Variants in ANO10 observed in about 807,000 individuals in gnomAD.
ANO10 encodes the protein anoctamin 10.
ANO10 carries 77 observed loss-of-function variants against 74.7 expected under a neutral mutation model. The observed-to-expected ratio is 1.03, with a 90% confidence interval of 0.86 to 1.25. ANO10 has a LOEUF of 1.25. Ranked by LOEUF, ANO10 falls within the 50% of genes most tolerant of loss-of-function variation. The probability of loss-of-function intolerance (pLI) is 0.00; values close to 1 mark genes in which losing one functional copy is unlikely to be tolerated. For missense variants in ANO10, 721 were observed against 778.1 expected (o/e 0.93, Z 0.87); for synonymous variants, 279 against 284.9 (o/e 0.98, Z 0.21).
intron 1 of ANO10, among the ~76,000 whole-genome samples, chr3:43,661,488 C>G (rs1383774508): frequency 2.6e-5 from 4 of 152,204 alleles, no homozygotes; most frequent in African/African-American, 9.6e-5. Context: ...TATGAAGAAA[C>G]TGCATCAATT....
At chr3:43,517,119 T>G (rs1319585219) in intron 11 of ANO10, among the ~76,000 whole-genome samples, 2 of 152,200 alleles carry the variant, frequency 1.3e-5, no homozygotes, top group African/African-American at 2.4e-5. Context: ...TCAGTACATT[T>G]TTTTCAGTAT....
At chr3:43,491,605 A>C (rs1350970310) in intron 11 of ANO10, among the ~76,000 whole-genome samples, 2 of 152,092 alleles carry the variant, frequency 1.3e-5, no homozygotes. Flanking sequence ...CACCAAGTGT[A>C]CTGTACTTCC....
chr3:43,372,141 A>G (rs1312221685), intron 12 of ANO10, among the ~76,000 whole-genome samples: 2 of 151,622 alleles, frequency 1.3e-5, no homozygotes, highest in African/African-American at 2.4e-5. Flanking sequence ...TCCAGCTCCC[A>G]CCTCCCACCC....
intron 11 of ANO10, chr3:43,486,023 G>A (rs2076472917): frequency 7.5e-6 from 2 of 267,036 alleles, no homozygotes; most frequent in Non-Finnish European, 7.3e-6. Context: ...AGGGCCAGCA[G>A]ACAGAAGTGG....
chr3:43,595,563 G>C (rs535917671), intron 4 of ANO10, among the ~76,000 whole-genome samples: 4 of 151,998 alleles, frequency 2.6e-5, no homozygotes, highest in Non-Finnish European at 4.4e-5. Context: ...ATTCAACAGC[G>C]CTTCATGCTA....
chr3:43,546,655 A>AC (rs1559678884), intron 11 of ANO10, among the ~76,000 whole-genome samples: 1 of 152,126 alleles, frequency 6.6e-6, no homozygotes, highest in South Asian at 2.1e-4. Flanking sequence ...TAAAAAAAAA[A>AC]ACACACCTCA....
At chr3:43,469,211 T>TC (rs1485339138) in intron 11 of ANO10, among the ~76,000 whole-genome samples, 1 of 147,816 alleles carries the variant, frequency 6.8e-6, no homozygotes, top group African/African-American at 2.6e-5. Flanking sequence ...CCCGGCTAAT[T>TC]TTTTTTTTGT....
At chr3:43,519,733 G>T (rs113572764) in intron 11 of ANO10, among the ~76,000 whole-genome samples, 1 of 152,098 alleles carries the variant, frequency 6.6e-6, no homozygotes, top group Non-Finnish European at 1.5e-5. Context: ...TCATGGTCTC[G>T]GGCCAGGATC....
chr3:43,486,800 TCTC>T (rs1174524231), intron 11 of ANO10, among the ~76,000 whole-genome samples: 1 of 151,544 alleles, frequency 6.6e-6, no homozygotes, highest in Non-Finnish European at 1.5e-5. Flanking sequence ...TTTATTTCCT[TCTC>T]CTGCCTAATG....
intron 1 of ANO10, among the ~76,000 whole-genome samples, chr3:43,643,181 G>A (rs1287625460): frequency 6.6e-6 from 1 of 151,682 alleles, no homozygotes; most frequent in East Asian, 1.9e-4. Flanking sequence ...ACAGGCACCC[G>A]CCACGACGCC....
intron 12 of ANO10, among the ~76,000 whole-genome samples, chr3:43,401,202 G>GC (rs1459448412): frequency 6.6e-6 from 1 of 152,060 alleles, no homozygotes; most frequent in Non-Finnish European, 1.5e-5. Context: ...AGACAGAATG[G>GC]CCACAGCATT....
At chr3:43,650,030 G>A (rs758169531) in intron 1 of ANO10, among the ~76,000 whole-genome samples, 25 of 152,342 alleles carry the variant, frequency 1.6e-4, no homozygotes, top group Middle Eastern at 3.4e-3. Context: ...CAAGTTCAGT[G>A]GACCCTCTGC....
chr3:43,429,150 A>G (rs1200344472), intron 12 of ANO10, among the ~76,000 whole-genome samples: 2 of 152,104 alleles, frequency 1.3e-5, no homozygotes, highest in Non-Finnish European at 2.9e-5. Context: ...GACACCCTCA[A>G]TGGCAAATAT....
chr3:43,513,130 A>G (rs1010321876), intron 11 of ANO10, among the ~76,000 whole-genome samples: 2 of 152,194 alleles, frequency 1.3e-5, no homozygotes, highest in African/African-American at 2.4e-5. Flanking sequence ...TGAGGAAACT[A>G]TCTGAGGTCC....
chr3:43,482,604 A>G (rs907718881), intron 11 of ANO10, among the ~76,000 whole-genome samples: 1 of 152,110 alleles, frequency 6.6e-6, no homozygotes, highest in Non-Finnish European at 1.5e-5. Flanking sequence ...GCCAGGCATG[A>G]CCCTGAAGCC....
intron 11 of ANO10, among the ~76,000 whole-genome samples, chr3:43,504,795 C>A (rs535600269): frequency 2.6e-5 from 4 of 152,150 alleles, no homozygotes; most frequent in South Asian, 4.2e-4. Context: ...GCACATGCCA[C>A]CATGCTTGGC....
At chr3:43,420,604 A>G (rs1439231470) in intron 12 of ANO10, among the ~76,000 whole-genome samples, 2 of 152,192 alleles carry the variant, frequency 1.3e-5, no homozygotes, top group African/African-American at 2.4e-5. Context: ...AATTAAAAAC[A>G]AAGTTTTTTT....
rs147728282 is a variant in ANO10, at chr3:43,431,804, C to T, written c.1914+807G>A. Among the ~76,000 whole-genome samples the T allele has an allele frequency of 2.0e-3, 311 of 152,116 alleles. 1 individual carries two copies. The highest frequency in any genetic ancestry group is 7.2e-3 in the African/African-American group (301 of 41,536). On this transcript the variant is annotated intron_variant, in intron 12 of 12. Transcript: ENST00000292246. The stretch of plus-strand genomic sequence containing the variant: ...CTGTCCGGCGCACTACCCTTGGAGC[C>T]CTCAGGCTTTGATCAAAGGGTCATC...
At chr3:43,667,077 T>G (rs1194585832) in intron 1 of ANO10, among the ~76,000 whole-genome samples, 4 of 120,152 alleles carry the variant, frequency 3.3e-5, no homozygotes, top group African/African-American at 6.8e-5. Context: ...TGCATGTTTT[T>G]TTTTTTTTTT....
Sources: gnomAD v4.1 joint callset for allele counts (sites outside exome capture counted in the v4.1 genomes callset) on GRCh38, gnomAD v4.1.1 for gene constraint, MANE v1.5 for transcripts, NCBI Gene and HGNC (gene_info 2026-07-23, HGNC 2026-07-21) for gene names.